PHF2: variants seen among roughly 807,000 people sequenced by gnomAD.
The protein encoded by PHF2 is PHD finger protein 2, also known as lysine-specific demethylase PHF2.
In PHF2, 27 loss-of-function variants were observed where a neutral mutation model predicts 120.5. The observed-to-expected ratio is 0.22, with a 90% CI of 0.17 to 0.31. The LOEUF (loss-of-function observed/expected upper bound fraction) is 0.31. PHF2 is among the 10% of genes least tolerant of loss of function. The pLI, the probability that PHF2 is intolerant of heterozygous loss-of-function variation, is 1.00. For missense variants in PHF2, 1,024 were observed against 1,434.8 expected, an observed-to-expected ratio of 0.71 and a Z score of 4.63; for synonymous variants, 568 against 592.5, an observed-to-expected ratio of 0.96 and a Z score of 0.60.
At chr9:93,577,609 C>T (rs946687608) in intron 1 of PHF2, among the ~76,000 whole-genome samples, 8 of 152,320 alleles carry the variant, frequency 5.3e-5, no homozygotes, top group African/African-American at 1.4e-4. Flanking sequence ...GGCTTTGCCA[C>T]CTCCTCCCTG....
At chr9:93,621,452 C>T (rs1476430769) in intron 1 of PHF2, among the ~76,000 whole-genome samples, 2 of 152,224 alleles carry the variant, frequency 1.3e-5, no homozygotes, top group Admixed American at 1.3e-4. Context: ...CTGTGCCACC[C>T]AGTTCATCCT....
chr9:93,608,522 A>G (rs1324547848), intron 1 of PHF2, among the ~76,000 whole-genome samples: 1 of 151,874 alleles, frequency 6.6e-6, no homozygotes, highest in Non-Finnish European at 1.5e-5. Context: ...AAGTTGATAT[A>G]ATTTATCCCT....
At chr9:93,665,922 G>T (rs1826670021) in intron 15 of PHF2, 58 bp downstream of exon 15, 3 of 1,612,308 alleles carry the variant, frequency 1.9e-6, no homozygotes, top group African/African-American at 1.3e-5. Context: ...CTGCCCCGGA[G>T]AGGTCTTCCC....
chr9:93,612,626 C>T (rs1825656157), intron 1 of PHF2, among the ~76,000 whole-genome samples: 1 of 152,252 alleles, frequency 6.6e-6, no homozygotes, highest in African/African-American at 2.4e-5. Flanking sequence ...ATACTACATC[C>T]TTCACATGCA....
chr9:93,635,342 C>G (rs562638972), intron 2 of PHF2, among the ~76,000 whole-genome samples: 13 of 152,088 alleles, frequency 8.5e-5, no homozygotes, highest in Admixed American at 2.0e-4. Context: ...GACACATGGC[C>G]TTCTAAGGCC....
At chr9:93,653,755 G>T (rs1487926760) in intron 6 of PHF2, among the ~76,000 whole-genome samples, 2 of 152,212 alleles carry the variant, frequency 1.3e-5, no homozygotes, top group Non-Finnish European at 2.9e-5. Context: ...GGAAGGCTAG[G>T]AGCCTCATCA....
intron 1 of PHF2, among the ~76,000 whole-genome samples, chr9:93,580,350 ATGTGT>A (rs1862910053): frequency 6.6e-6 from 1 of 151,998 alleles, no homozygotes; most frequent in African/African-American, 2.4e-5. Context: ...TTTGGTGGGG[ATGTGT>A]CGCTCTGCAC....
chr9:93,646,424 A>T (rs1322726286), intron 4 of PHF2, among the ~76,000 whole-genome samples: 1 of 152,194 alleles, frequency 6.6e-6, no homozygotes, highest in African/African-American at 2.4e-5. Context: ...CCAAGCATGG[A>T]GGCCCACATG....
Position 93,656,690 on chromosome 9 carries a change from C to T in PHF2, c.1147+95C>T, listed in dbSNP as rs1025753516. On this transcript the variant is annotated intron_variant, in intron 9 of 21. Coordinates refer to ENST00000359246, the MANE Select transcript of PHF2 (RefSeq NM_005392.4). The surrounding 1 kb of genome is among the most constrained non-coding windows in gnomAD (Gnocchi z 4.1). The stretch of plus-strand genomic sequence containing the variant: ...GGGCTGACTGTCTGGGTGTGAGTGC[C>T]GCCTTCCTGTGGCCTGAGCAAGTCC... The T allele has an allele frequency of 3.4e-5, 28 of 822,220 alleles. No homozygotes were observed. Among genetic ancestry groups the T allele is most frequent in the Admixed American group, 2.3e-4 (12 of 51,366 alleles). 50.9% of individuals were successfully genotyped at this position (822,220 alleles called of 1,614,324 possible). A position where few individuals can be genotyped will look rare whatever the true frequency, so the allele number is the denominator to read the frequency against.
chr9:93,662,878 C>G (rs781267637), intron 12 of PHF2, 29 bp from the exon 13 acceptor site: 15 of 1,612,958 alleles, frequency 9.3e-6, no homozygotes. Flanking sequence ...CTATGTCTGC[C>G]TCTGGGTCAC....
chr9:93,644,688 G>A (rs1368969578), intron 3 of PHF2, among the ~76,000 whole-genome samples: 1 of 152,172 alleles, frequency 6.6e-6, no homozygotes, highest in Non-Finnish European at 1.5e-5. Flanking sequence ...GTTCTAGCGG[G>A]CCCTGTGGAC....
intron 1 of PHF2, chr9:93,594,950 C>T (rs1236292787): frequency 6.5e-6 from 1 of 153,870 alleles, no homozygotes; most frequent in Non-Finnish European, 1.5e-5. Context: ...GAGATTCTTC[C>T]TGCACAGGCT....
At chr9:93,669,355 G>C (rs980007072) in intron 17 of PHF2, among the ~76,000 whole-genome samples, 3 of 152,272 alleles carry the variant, frequency 2.0e-5, no homozygotes, top group African/African-American at 7.2e-5. Context: ...CTTCTGCGGA[G>C]ATGTCAGTGA....
intron 1 of PHF2, among the ~76,000 whole-genome samples, chr9:93,609,945 T>A (rs1033326208): frequency 2.6e-5 from 4 of 152,224 alleles, no homozygotes; most frequent in Non-Finnish European, 5.9e-5. Flanking sequence ...TCTGCCTGCC[T>A]TGGCCTCCCA....
intron 1 of PHF2, among the ~76,000 whole-genome samples, chr9:93,578,508 G>A (rs1485921162): frequency 6.6e-6 from 1 of 152,210 alleles, no homozygotes; most frequent in Non-Finnish European, 1.5e-5. Flanking sequence ...CTCCACCGGA[G>A]CCCTGACCTG....
intron 5 of PHF2, among the ~76,000 whole-genome samples, chr9:93,651,163 AAG>A: frequency 6.6e-6 from 1 of 152,330 alleles, no homozygotes; most frequent in African/African-American, 2.4e-5. Flanking sequence ...CAAAGACTAA[AAG>A]GGAAATGGAG....
At chr9:93,654,307 G>A (rs1826419620) in intron 6 of PHF2, 106 bp from the exon 7 acceptor site, 1 of 973,088 alleles carries the variant, frequency 1.0e-6, no homozygotes. Flanking sequence ...TTGCAGGCGG[G>A]AGTCGTGGAC....
At chr9:93,619,827 T>C (rs1266070922) in intron 1 of PHF2, among the ~76,000 whole-genome samples, 2 of 151,954 alleles carry the variant, frequency 1.3e-5, no homozygotes, top group African/African-American at 4.8e-5. Context: ...CCGGCCAACT[T>C]TGCCTTTTTG....
At chr9:93,673,187 C>T (rs756349142) in intron 17 of PHF2, among the ~76,000 whole-genome samples, 8 of 151,864 alleles carry the variant, frequency 5.3e-5, no homozygotes, top group Admixed American at 1.3e-4. Context: ...CAGGGTGGAC[C>T]GAGGGGGTAC....
Sources: allele counts gnomAD v4.1 joint callset (sites outside exome capture counted in the v4.1 genomes callset), GRCh38; gene constraint gnomAD v4.1.1; non-coding constraint Gnocchi (gnomAD v3.1); transcripts MANE v1.5; gene names NCBI Gene and HGNC (gene_info 2026-07-23, HGNC 2026-07-21).